The following ABCC4 variants were observed in gnomAD, a reference collection of about 807,000 sequenced individuals.
The protein encoded by ABCC4 is ATP binding cassette subfamily C member 4 (PEL blood group), also known as ATP-binding cassette sub-family C member 4.
In ABCC4, 102 loss-of-function variants were observed where a neutral mutation model predicts 168.5. The observed-to-expected ratio is 0.61, with a 90% confidence interval of 0.52 to 0.71. The LOEUF is 0.71. Ranked by LOEUF, ABCC4 falls within the 30% of genes least tolerant of loss-of-function variation. The probability of loss-of-function intolerance (pLI) is 0.00; values close to 1 mark genes in which losing one functional copy is unlikely to be tolerated. For synonymous variants in ABCC4, 617 were observed against 590.7 expected (o/e 1.04, Z -0.65); for missense variants, 1,402 against 1,605.8 (o/e 0.87, Z 2.17).
At chr13:95,134,371 C>T (rs564107270) in intron 19 of ABCC4, among the ~76,000 whole-genome samples, 175 of 152,072 alleles carry the variant, frequency 1.2e-3, no homozygotes, top group Non-Finnish European at 2.3e-3. Flanking sequence ...TGGAGAAGGG[C>T]GAGTCTTGAG....
At chr13:95,109,730 T>C (rs2035137907) in intron 20 of ABCC4, among the ~76,000 whole-genome samples, 1 of 152,168 alleles carries the variant, frequency 6.6e-6, no homozygotes, top group African/African-American at 2.4e-5. Flanking sequence ...CATTCTCTCC[T>C]ACAGTATCCC....
chr13:95,108,288 G>A (rs2035078376), intron 20 of ABCC4, among the ~76,000 whole-genome samples: 1 of 152,164 alleles, frequency 6.6e-6, no homozygotes, highest in African/African-American at 2.4e-5. Flanking sequence ...TCTATAGGGA[G>A]ATGGGTGGGC....
intron 20 of ABCC4, among the ~76,000 whole-genome samples, chr13:95,112,186 C>T (rs2035226457): frequency 6.6e-6 from 1 of 152,036 alleles, no homozygotes; most frequent in South Asian, 2.1e-4. Context: ...AACCCTGTCT[C>T]TACTAAAAAT....
intron 21 of ABCC4, among the ~76,000 whole-genome samples, chr13:95,078,185 G>C (rs1388883644): frequency 6.6e-6 from 1 of 152,124 alleles, no homozygotes; most frequent in Non-Finnish European, 1.5e-5. Context: ...TTCAGGCAGA[G>C]AGCCTCCCAC....
chr13:95,234,654 C>T lies in ABCC4; in HGVS notation c.487G>A (p.Gly163Arg), dbSNP rs1461269109. 3 of 1,614,022 alleles carry T rather than the reference C, an allele frequency of 1.9e-6. No individual in the cohort carries two copies. The highest frequency in any genetic ancestry group is 1.1e-5 in the South Asian group (1 of 91,090). The stretch of plus-strand genomic sequence containing the variant: ...CACATGGCTACTCGTAACCTCATCC[C>T]AGCACACTGAACGTGATAAAAATAT... The part of the protein sequence containing the change: ...HLYFYHVQCA[G>R]MRLRVAMCHM... The change falls in exon 4 of 31, where the codon GGG becomes AGG. Residue 163 changes from glycine (G) to arginine (R), a missense_variant. By Grantham distance (125) the Gly-to-Arg change is moderately radical. Transcript: ENST00000645237.
intron 1 of ABCC4, among the ~76,000 whole-genome samples, chr13:95,289,681 A>G (rs1054634969): frequency 4.6e-5 from 7 of 152,224 alleles, no homozygotes; most frequent in African/African-American, 1.7e-4. Flanking sequence ...AACCTGAAAA[A>G]GGGGCAGCGA....
At chr13:95,258,233 G>A (rs944953499) in intron 1 of ABCC4, among the ~76,000 whole-genome samples, 15 of 152,030 alleles carry the variant, frequency 9.9e-5, no homozygotes, top group Non-Finnish European at 1.6e-4. Context: ...AAAATATCAT[G>A]CCATGCTGCT....
At chr13:95,169,990 G>C (rs1421291356) in intron 14 of ABCC4, among the ~76,000 whole-genome samples, 1 of 152,164 alleles carries the variant, frequency 6.6e-6, no homozygotes, top group Non-Finnish European at 1.5e-5. Context: ...CTGAGTAGCT[G>C]GGACTACAAG....
intron 1 of ABCC4, among the ~76,000 whole-genome samples, chr13:95,296,939 CT>C (rs2041550230): frequency 6.6e-6 from 1 of 152,156 alleles, no homozygotes; most frequent in South Asian, 2.1e-4. Flanking sequence ...AAAAGAAATT[CT>C]AGCTGCCTTT....
chr13:95,114,774 G>C (rs2035316610), intron 20 of ABCC4, among the ~76,000 whole-genome samples: 1 of 152,138 alleles, frequency 6.6e-6, no homozygotes, highest in East Asian at 1.9e-4. Context: ...TTCTTACATA[G>C]CTAATTTTCC....
intron 4 of ABCC4, among the ~76,000 whole-genome samples, chr13:95,215,942 C>T (rs1321540797): frequency 6.6e-6 from 1 of 151,956 alleles, no homozygotes; most frequent in Admixed American, 6.6e-5. Flanking sequence ...CAACAAAACA[C>T]TGCTCACATC....
chr13:95,025,705 G>A (rs1472914573), intron 30 of ABCC4, among the ~76,000 whole-genome samples: 1 of 151,836 alleles, frequency 6.6e-6, no homozygotes, highest in Admixed American at 6.6e-5. Flanking sequence ...TACAGGGCCT[G>A]GAGATTATAC....
intron 1 of ABCC4, among the ~76,000 whole-genome samples, chr13:95,298,247 C>G (rs1037658217): frequency 6.6e-6 from 1 of 152,112 alleles, no homozygotes; most frequent in African/African-American, 2.4e-5. Flanking sequence ...AGAGATTGCA[C>G]CACTGCACTC....
intron 27 of ABCC4, among the ~76,000 whole-genome samples, chr13:95,045,377 T>A (rs547053811): frequency 1.1e-3 from 166 of 152,216 alleles, no homozygotes; most frequent in African/African-American, 3.8e-3. Flanking sequence ...AAAATACAAA[T>A]GCAAACAATG....
rs139703485 is a variant in ABCC4 at position 95,075,538 on chromosome 13, C to G, written c.2700G>C (p.Val900=). The G allele has an allele frequency of 3.5e-5, 56 of 1,614,080 alleles. No homozygotes were observed. In the African/African-American group the frequency reaches 5.2e-4, roughly 15 times the overall value. The part of the protein sequence containing the change: ...KRLESTTRSP[V]FSHLSSSLQG... ...GGAGAGAAGATGATAAGTGGGAAAA[C>G]ACTGGACTCCGAGCTGGGGAAACAG... is the stretch of plus-strand genomic sequence containing the variant. Residue 900 remains valine (V), a synonymous_variant, in exon 22 of 31, where the codon GTG becomes GTC. Transcript: ENST00000645237.
At chr13:95,112,899 G>A (rs1176712759) in intron 20 of ABCC4, among the ~76,000 whole-genome samples, 1 of 152,180 alleles carries the variant, frequency 6.6e-6, no homozygotes, top group Admixed American at 6.5e-5. Flanking sequence ...GGGCCCCAGT[G>A]TCCGAAGCAT....
intron 10 of ABCC4, among the ~76,000 whole-genome samples, chr13:95,187,547 T>A (rs1204052061): frequency 6.6e-6 from 1 of 152,166 alleles, no homozygotes; most frequent in Non-Finnish European, 1.5e-5. Flanking sequence ...GAGGTTGCAG[T>A]GACTCTAGAT....
intron 1 of ABCC4, among the ~76,000 whole-genome samples, chr13:95,254,547 C>T (rs944176634): frequency 7.9e-5 from 12 of 152,220 alleles, no homozygotes; most frequent in Non-Finnish European, 1.0e-4. Context: ...AGGCTTCTCC[C>T]TCTCAGTTAT....
intron 3 of ABCC4, among the ~76,000 whole-genome samples, chr13:95,245,046 C>T (rs2040071274): frequency 6.6e-6 from 1 of 152,164 alleles, no homozygotes; most frequent in African/African-American, 2.4e-5. Flanking sequence ...AGGAGAAATT[C>T]ACGCTTCTAC....
Sources: gnomAD v4.1 joint callset for allele counts (sites outside exome capture counted in the v4.1 genomes callset) on GRCh38, gnomAD v4.1.1 for gene constraint, MANE v1.5 for transcripts, NCBI Gene and HGNC (gene_info 2026-07-23, HGNC 2026-07-21) for gene names.